Variants in GATAD2B observed in about 807,000 individuals in gnomAD.
GATAD2B encodes GATA zinc finger domain containing 2B.
Under a neutral mutation model 64.3 loss-of-function variants are expected in GATAD2B, and 8 were observed. The observed-to-expected ratio is 0.12, with a 90% CI of 0.07 to 0.22. The LOEUF (loss-of-function observed/expected upper bound fraction) is 0.22. GATAD2B is among the 10% of genes least tolerant of loss of function. The probability of loss-of-function intolerance (pLI) is 1.00; values close to 1 mark genes in which losing one functional copy is unlikely to be tolerated. For missense variants in GATAD2B, 453 were observed against 752.0 expected, an observed-to-expected ratio of 0.60 and a Z score of 4.65; for synonymous variants, 281 against 271.3, an observed-to-expected ratio of 1.04 and a Z score of -0.35.
intron 1 of GATAD2B, among the ~76,000 whole-genome samples, chr1:153,844,295 C>T (rs1675605985): frequency 1.3e-5 from 2 of 151,794 alleles, no homozygotes; most frequent in Non-Finnish European, 2.9e-5. Context: ...TTCTTAGTAG[C>T]CAGATTAGAA....
intron 1 of GATAD2B, among the ~76,000 whole-genome samples, chr1:153,848,750 A>G (rs1325999088): frequency 6.6e-6 from 1 of 152,088 alleles, no homozygotes; most frequent in Non-Finnish European, 1.5e-5. Context: ...TCAGGAGTTC[A>G]AGAACAGCCT....
chr1:153,895,099 G>A (rs368906547), intron 1 of GATAD2B, among the ~76,000 whole-genome samples: 5 of 151,552 alleles, frequency 3.3e-5, no homozygotes, highest in African/African-American at 7.3e-5. Context: ...CAGATGTTGC[G>A]GTGAACCAAG....
intron 1 of GATAD2B, among the ~76,000 whole-genome samples, chr1:153,902,250 C>A (rs1677801909): frequency 6.6e-6 from 1 of 151,516 alleles, no homozygotes; most frequent in Non-Finnish European, 1.5e-5. Context: ...CACTGCGCTC[C>A]AGCCTGGGCA....
At chr1:153,839,528 CTA>C (rs1160756171) in intron 1 of GATAD2B, among the ~76,000 whole-genome samples, 1 of 151,890 alleles carries the variant, frequency 6.6e-6, no homozygotes, top group Non-Finnish European at 1.5e-5. Context: ...AAAGTGAAGC[CTA>C]TAGTTATATA....
intron 1 of GATAD2B, among the ~76,000 whole-genome samples, chr1:153,861,182 G>A (rs1676266931): frequency 1.3e-5 from 2 of 152,106 alleles, no homozygotes; most frequent in Admixed American, 6.6e-5. Flanking sequence ...AACTTTAACT[G>A]AGAAGGACGC....
intron 1 of GATAD2B, among the ~76,000 whole-genome samples, chr1:153,867,557 A>G (rs1417540501): frequency 6.6e-6 from 1 of 152,074 alleles, no homozygotes; most frequent in East Asian, 1.9e-4. Context: ...AGCAGTAACT[A>G]AAAGAGTCAC....
intron 2 of GATAD2B, among the ~76,000 whole-genome samples, chr1:153,819,959 A>G (rs557227541): frequency 1.6e-4 from 24 of 152,188 alleles, no homozygotes; most frequent in African/African-American, 5.8e-4. Flanking sequence ...TTAGCTGCGC[A>G]TGGCGGCGCG....
intron 1 of GATAD2B, among the ~76,000 whole-genome samples, chr1:153,870,336 C>G (rs1179063770): frequency 6.6e-6 from 1 of 152,082 alleles, no homozygotes; most frequent in African/African-American, 2.4e-5. Context: ...TATGGGAGGC[C>G]AAGGCGGGCA....
chr1:153,847,164 G>A (rs1570954653), intron 1 of GATAD2B, among the ~76,000 whole-genome samples: 4 of 151,084 alleles, frequency 2.6e-5, no homozygotes, highest in Non-Finnish European at 4.4e-5. Flanking sequence ...ACAGGGTTTC[G>A]CCATGTTGGC....
Position 153,817,418 on chromosome 1 carries a change from A to G in GATAD2B, c.854T>C (p.Val285Ala), listed in dbSNP as rs370689496. The part of the protein sequence containing the change: ...GQRGPPKPGL[V>A]RTTTPNMNPA... ...ATTCATGTTGGGTGTTGTGGTGCGT[A>G]CAAGGCCAGGCTTAGGCGGGCCCCG... The change falls in exon 6 of 11, where the codon GTA becomes GCA. Residue 285 changes from valine (V) to alanine (A), a missense_variant. Coordinates refer to ENST00000368655, the MANE Select transcript of GATAD2B (RefSeq NM_020699.4). 143 of 1,609,514 alleles carry G rather than the reference A, an allele frequency of 8.9e-5. 1 individual carries two copies. Among genetic ancestry groups the G allele is most frequent in the Non-Finnish European group, 1.2e-4 (136 of 1,178,398 alleles).
rs541923643 is a variant in GATAD2B, at chr1:153,843,071, C to A, written c.-1-14723G>T. 2.0e-5 allele frequency among the ~76,000 whole-genome samples: 3 copies of A among 151,868 alleles called. 1 individual carries two copies. Among genetic ancestry groups the A allele is most frequent in the African/African-American group, 7.2e-5 (3 of 41,410 alleles). ...GGCTCAAGTGATCCTCCCGCCTCAG[C>A]CTCCCAAGTAGCTAGGATTATAGGC... On this transcript the variant is annotated intron_variant, in intron 1 of 10. Coordinates refer to ENST00000368655, the MANE Select transcript of GATAD2B (RefSeq NM_020699.4).
intron 1 of GATAD2B, among the ~76,000 whole-genome samples, chr1:153,839,261 T>C (rs1675390242): frequency 6.6e-6 from 1 of 152,162 alleles, no homozygotes; most frequent in Admixed American, 6.6e-5. Context: ...TCTACATTCA[T>C]GCTTGTAAAG....
intron 1 of GATAD2B, among the ~76,000 whole-genome samples, chr1:153,859,395 C>T (rs1453722589): frequency 6.7e-6 from 1 of 148,664 alleles, no homozygotes; most frequent in Admixed American, 6.7e-5. Context: ...CAAGGCGAGG[C>T]GAGGCGGCTC....
At chr1:153,882,104 T>C (rs912224516) in intron 1 of GATAD2B, among the ~76,000 whole-genome samples, 1 of 152,174 alleles carries the variant, frequency 6.6e-6, no homozygotes, top group African/African-American at 2.4e-5. Context: ...GAATTATCTC[T>C]TAATTTTTAA....
At chr1:153,841,804 T>C (rs1675506192) in intron 1 of GATAD2B, among the ~76,000 whole-genome samples, 1 of 152,176 alleles carries the variant, frequency 6.6e-6, no homozygotes, top group African/African-American at 2.4e-5. Context: ...GATAAATGCC[T>C]AAGTGTGCAA....
At chr1:153,834,332 T>TA (rs1286746551) in intron 1 of GATAD2B, among the ~76,000 whole-genome samples, 1 of 151,318 alleles carries the variant, frequency 6.6e-6, no homozygotes, top group Admixed American at 6.6e-5. Context: ...AATAAAAATT[T>TA]AAAAAACCTC....
chr1:153,852,013 T>G, intron 1 of GATAD2B: 1 of 386,992 alleles, frequency 2.6e-6, no homozygotes. Context: ...TGCTTCCCAA[T>G]TTAGGGTTGC....
chr1:153,822,219 A>G (rs761184348), intron 2 of GATAD2B, among the ~76,000 whole-genome samples: 1 of 152,060 alleles, frequency 6.6e-6, no homozygotes, highest in Non-Finnish European at 1.5e-5. Context: ...AACACCGGTA[A>G]TTTTGGAATC....
intron 1 of GATAD2B, among the ~76,000 whole-genome samples, chr1:153,855,801 G>A (rs1676064904): frequency 6.6e-6 from 1 of 151,976 alleles, no homozygotes; most frequent in Non-Finnish European, 1.5e-5. Context: ...TCAGCCTCTG[G>A]GACTGGGAGT....
Sources: gnomAD v4.1 joint callset for allele counts (sites outside exome capture counted in the v4.1 genomes callset) on GRCh38, gnomAD v4.1.1 for gene constraint, MANE v1.5 for transcripts, NCBI Gene and HGNC (gene_info 2026-07-23, HGNC 2026-07-21) for gene names.